The following KCNQ2 variants were observed in gnomAD, a reference collection of about 807,000 sequenced individuals.
KCNQ2 encodes the protein potassium voltage-gated channel subfamily Q member 2.
In KCNQ2, 14 loss-of-function variants were observed where a neutral mutation model predicts 84.8. The observed-to-expected ratio is 0.17, with a 90% CI of 0.11 to 0.26. The LOEUF (loss-of-function observed/expected upper bound fraction) is 0.26, where lower values mean the gene tolerates loss of function less well. KCNQ2 is among the 10% of genes least tolerant of loss of function. The probability of loss-of-function intolerance (pLI) is 1.00; values close to 1 mark genes in which losing one functional copy is unlikely to be tolerated. For missense variants in KCNQ2, 788 were observed against 1,254.0 expected (o/e 0.63, Z 5.61); for synonymous variants, 599 against 554.1 (o/e 1.08, Z -1.14).
intron 12 of KCNQ2, among the ~76,000 whole-genome samples, chr20:63,418,422 C>T (rs573272360): frequency 8.0e-4 from 122 of 152,346 alleles, no homozygotes; most frequent in Non-Finnish European, 1.4e-3. Flanking sequence ...GAGGAGCATC[C>T]AGACCCCTGC....
At chr20:63,431,863 G>T (rs1195379141) in intron 8 of KCNQ2, among the ~76,000 whole-genome samples, 2 of 152,062 alleles carry the variant, frequency 1.3e-5, no homozygotes, top group African/African-American at 4.8e-5. Context: ...CTCAGGGAAG[G>T]CCCCACCCTC....
chr20:63,420,368 C>T (rs1013299407), intron 11 of KCNQ2, among the ~76,000 whole-genome samples: 1 of 152,214 alleles, frequency 6.6e-6, no homozygotes. Flanking sequence ...AAAACCCTGG[C>T]GATTTAGCTC....
chr20:63,445,273 C>T lies in KCNQ2; in HGVS notation c.479G>A (p.Arg160Gln), dbSNP rs1057518323. ...GAACGGTTTCCGGGCAAACTTGAGC[C>T]GCCCCCTCCAGCCACGGTACCGGCA... ...CCCRYRGWRG[R>Q]LKFARKPFCV... Residue 160 changes from arginine to glutamine, a missense_variant, in exon 3 of 17, where the codon CGG (arginine) becomes CAG (glutamine). Coordinates refer to ENST00000359125, the MANE Select transcript of KCNQ2 (RefSeq NM_172107.4). 4 of 1,613,750 alleles carry T rather than the reference C, an allele frequency of 2.5e-6. No individual in the cohort carries two copies. The highest frequency in any genetic ancestry group is 3.4e-6 in the Non-Finnish European group (4 of 1,180,036).
intron 10 of KCNQ2, chr20:63,424,601 CAG>C (rs2080572996): frequency 4.3e-6 from 1 of 234,544 alleles, no homozygotes; most frequent in African/African-American, 2.2e-5. Flanking sequence ...ATTTTCGAGA[CAG>C]AGTGAGCTGC....
At chr20:63,431,255 G>T (rs2080778060) in intron 9 of KCNQ2, 85 bp downstream of exon 9, 5 of 1,507,228 alleles carry the variant, frequency 3.3e-6, no homozygotes, top group Non-Finnish European at 1.8e-6. Flanking sequence ...GGGCCACGGG[G>T]CTCCAGGGGC....
rs769097389 is a variant in KCNQ2 at position 63,439,870 on chromosome 20, C to T, written c.817-162G>A. On this transcript the variant is annotated intron_variant, in intron 5 of 16. Coordinates refer to ENST00000359125, the MANE Select transcript of KCNQ2 (RefSeq NM_172107.4). ...CAGTGAGGCCAGGGTCGGTGTCGGC[C>T]GCCCCTCATCCCCTGAGCCCTCTCT... 15 of 678,970 alleles carry T rather than the reference C, an allele frequency of 2.2e-5. No homozygotes were observed. In the Admixed American group the frequency reaches 2.2e-4, roughly 10 times the overall value. 42.1% of individuals were successfully genotyped at this position (678,970 alleles called of 1,614,324 possible). A position where few individuals can be genotyped will look rare whatever the true frequency, so the allele number is the denominator to read the frequency against.
rs963121040 is a variant in KCNQ2 at position 63,400,920 on chromosome 20, G to A, written c.*5724C>T. 5 of 398,084 alleles carry A rather than the reference G, an allele frequency of 1.3e-5. No individual in the cohort carries two copies. Among genetic ancestry groups the A allele is most frequent in the South Asian group, 1.3e-4 (1 of 7,830 alleles). 24.7% of individuals were successfully genotyped at this position (398,084 alleles called of 1,614,324 possible). On this transcript the variant is annotated 3_prime_UTR_variant, in exon 17 of 17. Transcript: ENST00000359125. This position sits in a 1 kb window ranked among gnomAD's most constrained non-coding sequence, Gnocchi z 8.7. The stretch of plus-strand genomic sequence containing the variant: ...CTGGCACAGCCAGGGGGCATGGGGC[G>A]ACCTCAGGGAGTTCCTGTCCACATG...
intron 12 of KCNQ2, among the ~76,000 whole-genome samples, chr20:63,416,739 C>T (rs985626782): frequency 3.3e-5 from 5 of 152,176 alleles, no homozygotes; most frequent in African/African-American, 1.2e-4. Context: ...GCCCCGACTC[C>T]AGACCCACAG....
chr20:63,455,184 C>G (rs1424366356), intron 1 of KCNQ2, among the ~76,000 whole-genome samples: 1 of 152,202 alleles, frequency 6.6e-6, no homozygotes, highest in African/African-American at 2.4e-5. Flanking sequence ...GACCGAGCAG[C>G]TTCTCTGCAG....
intron 7 of KCNQ2, among the ~76,000 whole-genome samples, chr20:63,436,150 C>G (rs553841879): frequency 6.6e-6 from 1 of 152,216 alleles, no homozygotes; most frequent in African/African-American, 2.4e-5. Context: ...GGGTAAAACG[C>G]TATCCAACAG....
chr20:63,452,272 C>T (rs946952924), intron 1 of KCNQ2, among the ~76,000 whole-genome samples: 2 of 152,264 alleles, frequency 1.3e-5, no homozygotes, highest in African/African-American at 4.8e-5. Flanking sequence ...GAGGACGTCC[C>T]AGCTCCATGC....
Position 63,408,211 on chromosome 20 carries a change from G to GT in KCNQ2, c.1887+201_1887+202insA. 3 of 651,022 alleles carry GT rather than the reference G, an allele frequency of 4.6e-6. No homozygotes were observed. The highest frequency in any genetic ancestry group is 3.7e-5 in the South Asian group (2 of 53,560). The allele number at this position is 651,022 out of a possible 1,614,324, so 40.3% of individuals were successfully genotyped here. Reference sequence around the variant, plus strand: ...GCCCTTGGGTACTGTCAGGAGGGAAGGCACCCAGGCCGGGGGTGGGAGGCT... The same window carrying GT: ...GCCCTTGGGTACTGTCAGGAGGGAAGTGCACCCAGGCCGGGGGTGGGAGGCT... On this transcript the variant is annotated intron_variant, in intron 16 of 16. Transcript: ENST00000359125. This position sits in a 1 kb window ranked among gnomAD's most constrained non-coding sequence, Gnocchi z 5.0.
intron 12 of KCNQ2, among the ~76,000 whole-genome samples, chr20:63,416,947 G>A (rs2080317206): frequency 6.6e-6 from 1 of 152,210 alleles, no homozygotes. Context: ...GTCTCTGAGA[G>A]AAAGAAAGAA....
intron 12 of KCNQ2, among the ~76,000 whole-genome samples, chr20:63,418,364 C>T (rs1368780602): frequency 6.6e-6 from 1 of 152,208 alleles, no homozygotes; most frequent in Non-Finnish European, 1.5e-5. Context: ...CACCCTCCCT[C>T]CCAATGGTGA....
chr20:63,432,584 A>C (rs80014959), intron 8 of KCNQ2, among the ~76,000 whole-genome samples: 2,872 of 30,656 alleles, frequency 0.094, no homozygotes, highest in Middle Eastern at 0.25. Flanking sequence ...TCAGGGAAGG[A>C]TCCACCCACA....
chr20:63,470,598 T>A (rs1221420149), intron 1 of KCNQ2, among the ~76,000 whole-genome samples: 1 of 152,128 alleles, frequency 6.6e-6, no homozygotes, highest in Non-Finnish European at 1.5e-5. Context: ...CCTTGGATCA[T>A]GGACTCAAAG....
At chr20:63,453,332 C>T (rs1217272440) in intron 1 of KCNQ2, among the ~76,000 whole-genome samples, 4 of 152,238 alleles carry the variant, frequency 2.6e-5, no homozygotes, top group Non-Finnish European at 5.9e-5. Context: ...GGCAGGGGCG[C>T]TGGCAGTGGT....
At chr20:63,434,520 G>C (rs1419183559) in intron 7 of KCNQ2, 1 of 152,310 alleles carries the variant, frequency 6.6e-6, no homozygotes, top group African/African-American at 2.4e-5. Context: ...AGTGCTGTGC[G>C]ACCACTGCCC....
chr20:63,414,871 G>A lies in KCNQ2; in HGVS notation c.1525+32C>T, dbSNP rs2080235582. 2 of 1,602,870 alleles carry A rather than the reference G, an allele frequency of 1.2e-6. No individual in the cohort carries two copies. ...GGCCACCACATCCATCCCCGGAGAG[G>A]ATGGACCAGGAGAGGATGCGGCCAC... On this transcript the variant is annotated intron_variant, in intron 13 of 16. Transcript: ENST00000359125. The surrounding 1 kb of genome is among the most constrained non-coding windows in gnomAD (Gnocchi z 6.6).
Sources: allele counts gnomAD v4.1 joint callset (sites outside exome capture counted in the v4.1 genomes callset), GRCh38; gene constraint gnomAD v4.1.1; non-coding constraint Gnocchi (gnomAD v3.1); transcripts MANE v1.5; gene names NCBI Gene and HGNC (gene_info 2026-07-23, HGNC 2026-07-21).